The following AVEN variants were observed in gnomAD, a reference collection of about 807,000 sequenced individuals.
AVEN encodes the protein apoptosis and caspase activation inhibitor, also known as cell death regulator Aven.
A neutral mutation model predicts 38.1 loss-of-function variants in AVEN; 41 were observed. That is an observed-to-expected ratio of 1.08 (90% CI 0.84 to 1.40). The LOEUF is 1.40. AVEN is among the 40% of genes most tolerant of loss of function. The pLI, the probability that AVEN is intolerant of heterozygous loss-of-function variation, is 0.00. For synonymous variants in AVEN, 206 were observed against 171.8 expected (o/e 1.20, Z -1.56); for missense variants, 605 against 438.8 (o/e 1.38, Z -3.38).
intron 2 of AVEN, among the ~76,000 whole-genome samples, chr15:33,965,122 A>C (rs1895336727): frequency 6.6e-6 from 1 of 152,186 alleles, no homozygotes; most frequent in African/African-American, 2.4e-5. Flanking sequence ...CAAAGAACCA[A>C]GTGCACTGGT....
intron 2 of AVEN, among the ~76,000 whole-genome samples, chr15:33,955,877 C>T (rs1597271565): frequency 6.6e-6 from 1 of 152,128 alleles, no homozygotes; most frequent in East Asian, 1.9e-4. Context: ...AGCAGCTAAA[C>T]CAGTAGAGAT....
At chr15:34,072,818 T>C (rs917936877) in intron 1 of AVEN, among the ~76,000 whole-genome samples, 4 of 147,860 alleles carry the variant, frequency 2.7e-5, no homozygotes, top group African/African-American at 1.0e-4. Flanking sequence ...TCAGCTAATT[T>C]TTTTGCATTT....
At chr15:33,950,632 G>A (rs959530570) in intron 2 of AVEN, among the ~76,000 whole-genome samples, 4 of 152,156 alleles carry the variant, frequency 2.6e-5, no homozygotes, top group African/African-American at 9.7e-5. Context: ...GCTTTATAAA[G>A]GCCTGCATGT....
chr15:33,854,346 C>T, downstream of AVEN: 1 of 1,511,152 alleles, frequency 6.6e-7, no homozygotes, highest in African/African-American at 1.4e-5. Context: ...ACTTAACTAC[C>T]TCTTGACATT....
At chr15:33,866,224 A>G (rs1021121969), downstream of AVEN, 2 of 188,896 alleles carry the variant, frequency 1.1e-5, no homozygotes, top group African/African-American at 4.7e-5. Flanking sequence ...AGGAAAGGAA[A>G]ACTGGACAGA....
intron 2 of AVEN, among the ~76,000 whole-genome samples, chr15:33,887,286 G>A (rs1045150616): frequency 1.3e-5 from 2 of 152,064 alleles, no homozygotes; most frequent in African/African-American, 4.8e-5. Context: ...TCTAGGGGAG[G>A]GATTGTGCTC....
rs1266273873 is a variant in AVEN at position 33,880,720 on chromosome 15, G to C, written c.446-4725C>G. Among the ~76,000 whole-genome samples, 5 of 152,006 alleles carry C rather than the reference G, an allele frequency of 3.3e-5. 1 individual carries two copies. The South Asian group carries it at 6.2e-4, about 19-fold the overall frequency. On this transcript the variant is annotated intron_variant, in intron 2 of 5. Coordinates refer to ENST00000306730, the MANE Select transcript of AVEN (RefSeq NM_020371.3). ...AAAACGATCAGGCCTACCAAAAGAT[G>C]AGACCAAAATAGTAGAAAACAAAGA... is the stretch of plus-strand genomic sequence containing the variant.
intron 2 of AVEN, among the ~76,000 whole-genome samples, chr15:33,905,104 T>C (rs1892645405): frequency 7.8e-6 from 1 of 127,732 alleles, no homozygotes; most frequent in South Asian, 2.8e-4. Context: ...CACTCCAGCC[T>C]GGGCGACAGA....
chr15:34,017,497 T>TTTTTTTTTTTTTTTTTTTG, intron 1 of AVEN, among the ~76,000 whole-genome samples: 1 of 133,362 alleles, frequency 7.5e-6, no homozygotes, highest in Non-Finnish European at 1.7e-5. Flanking sequence ...TTTTTTTTTT[T>TTTTTTTTTTTTTTTTTTTG]TTTGAGACAG....
chr15:34,053,159 A>G (rs545643120), intron 5 of AVEN, among the ~76,000 whole-genome samples: 30 of 151,170 alleles, frequency 2.0e-4, no homozygotes, highest in African/African-American at 6.8e-4. Context: ...AATTATCCAG[A>G]CATGGTGGTG....
At chr15:34,023,745 G>A (rs1898314659) in intron 1 of AVEN, among the ~76,000 whole-genome samples, 1 of 152,148 alleles carries the variant, frequency 6.6e-6, no homozygotes, top group Non-Finnish European at 1.5e-5. Flanking sequence ...AATATTAAAA[G>A]TAAACAGCTG....
At chr15:33,972,180 A>G (rs901885391) in intron 2 of AVEN, 5 of 152,244 alleles carry the variant, frequency 3.3e-5, no homozygotes, top group Admixed American at 6.5e-5. Context: ...CATGTTGGTT[A>G]AATTCACAGA....
intron 2 of AVEN, chr15:33,991,485 C>T (rs1434543905): frequency 1.4e-5 from 2 of 147,478 alleles, no homozygotes; most frequent in African/African-American, 2.6e-5. Flanking sequence ...ATATCTACTA[C>T]GGACCCACAA....
chr15:33,876,034 A>T, intron 2 of AVEN, 39 bp from the exon 3 acceptor site: 1 of 1,567,932 alleles, frequency 6.4e-7, no homozygotes, highest in Non-Finnish European at 8.7e-7. Context: ...TGCAAAAGCC[A>T]ACGGAAACTC....
intron 5 of AVEN, 143 bp downstream of exon 5, chr15:33,867,352 G>C (rs959806801): frequency 3.3e-6 from 4 of 1,200,130 alleles, no homozygotes; most frequent in Admixed American, 2.6e-5. Context: ...AAGCAGAGAC[G>C]TGAGCACAGA....
chr15:33,874,923 T>TAC (rs1173168265), intron 3 of AVEN, among the ~76,000 whole-genome samples: 6 of 152,258 alleles, frequency 3.9e-5, no homozygotes, highest in African/African-American at 1.4e-4. Flanking sequence ...TGTCCTAGAA[T>TAC]ACTAAACAGT....
At chr15:33,857,912 A>T, downstream of AVEN, 1 of 1,613,872 alleles carries the variant, frequency 6.2e-7, no homozygotes, top group Non-Finnish European at 8.5e-7. Context: ...CGACATGATG[A>T]CGGTGAGAGC....
intron 2 of AVEN, among the ~76,000 whole-genome samples, chr15:33,930,682 G>C (rs749006629): frequency 6.6e-6 from 1 of 152,160 alleles, no homozygotes; most frequent in Admixed American, 6.5e-5. Context: ...CTGGCCGGGC[G>C]CGGTGGCTCA....
chr15:33,905,557 G>A (rs1484811337), intron 2 of AVEN, among the ~76,000 whole-genome samples: 2 of 152,182 alleles, frequency 1.3e-5, no homozygotes, highest in African/African-American at 4.8e-5. Flanking sequence ...GGACGCCAGG[G>A]TTCACACCTG....
Sources: gnomAD v4.1 joint callset for allele counts (sites outside exome capture counted in the v4.1 genomes callset) on GRCh38, gnomAD v4.1.1 for gene constraint, MANE v1.5 for transcripts, NCBI Gene and HGNC (gene_info 2026-07-23, HGNC 2026-07-21) for gene names.